Variants in PRDM16 observed in about 807,000 individuals in gnomAD.
PRDM16 encodes the protein PR/SET domain 16, also known as histone-lysine N-methyltransferase PRDM16.
A neutral mutation model predicts 110.6 loss-of-function variants in PRDM16; 23 were observed. The ratio of observed to expected loss-of-function variants is 0.21; its 90% CI spans 0.15 to 0.29. PRDM16 has a LOEUF of 0.29. Among genes scored for constraint, PRDM16 ranks in the 10% least tolerant of loss-of-function variants. The pLI, the probability that PRDM16 is intolerant of heterozygous loss-of-function variation, is 1.00. For synonymous variants in PRDM16, 799 were observed against 781.8 expected, an observed-to-expected ratio of 1.02 and a Z score of -0.37; for missense variants, 1,615 against 1,794.3, an observed-to-expected ratio of 0.90 and a Z score of 1.81.
intron 1 of PRDM16, among the ~76,000 whole-genome samples, chr1:3,152,765 G>A (rs981691439): frequency 2.0e-5 from 3 of 152,210 alleles, no homozygotes; most frequent in South Asian, 2.1e-4. Flanking sequence ...CAGCCATAGC[G>A]TGGGTCCTTG....
chr1:3,408,656 ATG>A (rs1236326179), intron 8 of PRDM16, among the ~76,000 whole-genome samples: 2 of 123,142 alleles, frequency 1.6e-5, no homozygotes, highest in African/African-American at 6.6e-5. Flanking sequence ...CTGTGTTGGC[ATG>A]TGTGAGAGTG....
chr1:3,322,179 CTG>C (rs954250962), intron 3 of PRDM16, among the ~76,000 whole-genome samples: 5 of 148,396 alleles, frequency 3.4e-5, no homozygotes, highest in Middle Eastern at 3.5e-3. Context: ...GCTGTGCACA[CTG>C]TGTGTGTGAG....
intron 1 of PRDM16, among the ~76,000 whole-genome samples, chr1:3,077,294 T>C (rs1641921773): frequency 1.3e-5 from 2 of 152,296 alleles, no homozygotes; most frequent in South Asian, 4.1e-4. Context: ...CCAGGCTCTG[T>C]TCACCCCAAC....
At position 3,434,046 on chromosome 1, in the gene PRDM16, G is replaced by A. The variant is rs566728861; in HGVS notation, c.*235G>A. On this transcript the variant is annotated 3_prime_UTR_variant, in exon 17 of 17. Coordinates refer to ENST00000270722, the MANE Select transcript of PRDM16 (RefSeq NM_022114.4). Reference sequence around the variant, plus strand: ...GGTCTTGAGAACACTGTTCAGTGACGGCCATGCAGGTGGCCGTCCAAAGAC... The same window carrying A: ...GGTCTTGAGAACACTGTTCAGTGACAGCCATGCAGGTGGCCGTCCAAAGAC... 1.0e-5 allele frequency: 5 copies of A among 485,354 alleles called. No homozygotes were observed. Among genetic ancestry groups the A allele is most frequent in the East Asian group, 7.0e-5 (2 of 28,662 alleles). 30.1% of individuals were successfully genotyped at this position (485,354 alleles called of 1,614,324 possible). A position where few individuals can be genotyped will look rare whatever the true frequency, so the allele number is the denominator to read the frequency against.
At position 3,412,062 on chromosome 1, in the gene PRDM16, G is replaced by A. The variant is rs1314142023; in HGVS notation, c.1865G>A (p.Gly622Asp). 2 of 1,608,090 alleles carry A rather than the reference G, an allele frequency of 1.2e-6. No homozygotes were observed. The highest frequency in any genetic ancestry group is 2.7e-5 in the African/African-American group (2 of 74,824). ...GTDLDTTTGT[G>D]SDLDSDVDSD... Reference sequence around the variant, plus strand: ...GACCTGGACACGACCACGGGGACGGGCTCGGACCTGGACAGCGACGTGGAC... The same window carrying A: ...GACCTGGACACGACCACGGGGACGGACTCGGACCTGGACAGCGACGTGGAC... Residue 622 changes from glycine to aspartate, a missense_variant, in exon 9 of 17, where the codon GGC (glycine) becomes GAC (aspartate). Coordinates refer to ENST00000270722, the MANE Select transcript of PRDM16 (RefSeq NM_022114.4).
At chr1:3,380,350 T>G (rs1366450858) in intron 3 of PRDM16, among the ~76,000 whole-genome samples, 2 of 151,890 alleles carry the variant, frequency 1.3e-5, no homozygotes, top group Non-Finnish European at 2.9e-5. Flanking sequence ...CTCCTCCCTT[T>G]AGGGGCCACC....
intron 3 of PRDM16, among the ~76,000 whole-genome samples, chr1:3,343,638 G>A (rs1445543070): frequency 6.6e-6 from 1 of 151,390 alleles, no homozygotes; most frequent in East Asian, 1.9e-4. Flanking sequence ...TTTTTGTTTT[G>A]TTTTGTTTTT....
At chr1:3,398,135 C>T (rs577704673) in intron 5 of PRDM16, among the ~76,000 whole-genome samples, 8 of 152,244 alleles carry the variant, frequency 5.3e-5, no homozygotes, top group South Asian at 4.1e-4. Flanking sequence ...CGCACAAGAA[C>T]GCCAAGAGAC....
chr1:3,199,477 C>T (rs1248090771), intron 2 of PRDM16, among the ~76,000 whole-genome samples: 2 of 152,168 alleles, frequency 1.3e-5, no homozygotes, highest in Non-Finnish European at 2.9e-5. Context: ...CTCAGTCCTC[C>T]CCTTCCTGCC....
At chr1:3,281,830 A>G (rs79942329) in intron 3 of PRDM16, among the ~76,000 whole-genome samples, 2,736 of 152,336 alleles carry the variant, frequency 0.018, 86 homozygotes, top group African/African-American at 0.062. Context: ...CTTTCAGGAA[A>G]CCAGGGATAA....
At chr1:3,079,707 T>C (rs1312447109) in intron 1 of PRDM16, among the ~76,000 whole-genome samples, 1 of 152,156 alleles carries the variant, frequency 6.6e-6, no homozygotes, top group African/African-American at 2.4e-5. Context: ...CAGGGAGAAG[T>C]GGCCCCTCAC....
At chr1:3,429,117 G>A (rs1043464007) in intron 14 of PRDM16, among the ~76,000 whole-genome samples, 1 of 148,042 alleles carries the variant, frequency 6.8e-6, no homozygotes, top group African/African-American at 2.4e-5. Flanking sequence ...AGAGAGACCA[G>A]GGACAGATTC....
chr1:3,211,622 G>A (rs146876100), intron 2 of PRDM16, among the ~76,000 whole-genome samples: 7 of 152,330 alleles, frequency 4.6e-5, no homozygotes, highest in East Asian at 1.9e-4. Flanking sequence ...GTCCTTGGTC[G>A]TCCAGCCCAC....
intron 3 of PRDM16, among the ~76,000 whole-genome samples, chr1:3,297,537 G>C (rs1481114380): frequency 2.6e-5 from 4 of 152,082 alleles, no homozygotes; most frequent in African/African-American, 7.2e-5. Flanking sequence ...ACCCACCTCA[G>C]TCTCCAAAAA....
chr1:3,412,109 G>A lies in PRDM16; in HGVS notation c.1912G>A (p.Gly638Ser). 1 of 1,577,168 alleles carries A rather than the reference G, an allele frequency of 6.3e-7. No individual in the cohort carries two copies. The highest frequency in any genetic ancestry group is 1.2e-5 in the South Asian group (1 of 85,418). The change falls in exon 9 of 17, where the codon GGC becomes AGC. Residue 638 changes from glycine (G) to serine (S), a missense_variant. Coordinates refer to ENST00000270722, the MANE Select transcript of PRDM16 (RefSeq NM_022114.4). ...DVDSDPDKDK[G>S]KGKSAEGQPK... ...GGACAGCGACCCTGACAAGGACAAGGGCAAGGGCAAGTCCGCCGAGGGCCA... is the reference window on the plus strand; with the variant it reads ...GGACAGCGACCCTGACAAGGACAAGAGCAAGGGCAAGTCCGCCGAGGGCCA...
chr1:3,147,412 G>T (rs1329156603), intron 1 of PRDM16, among the ~76,000 whole-genome samples: 2 of 152,116 alleles, frequency 1.3e-5, no homozygotes, highest in African/African-American at 4.8e-5. Context: ...CATCCACAGG[G>T]AGACTGGGGC....
At chr1:3,337,048 C>T (rs1243958575) in intron 3 of PRDM16, among the ~76,000 whole-genome samples, 1 of 149,528 alleles carries the variant, frequency 6.7e-6, no homozygotes, top group South Asian at 2.1e-4. Flanking sequence ...CACATTCATG[C>T]ACATCTGTTG....
In PRDM16 at chr1:3,186,214, A is replaced by C; in HGVS notation, c.127A>C (p.Met43Leu). The C allele has an allele frequency of 6.2e-7, 1 of 1,612,786 alleles. No individual in the cohort carries two copies. Among genetic ancestry groups the C allele is most frequent in the Non-Finnish European group, 8.5e-7 (1 of 1,179,968 alleles). ...SAEDEAEDSA[M>L]SPIPVGPPSP... Reference sequence around the variant, plus strand: ...GGAGGACGAGGCCGAGGACAGTGCCATGTCGCCCATCCCCGTGGGGCCACC... The same window carrying C: ...GGAGGACGAGGCCGAGGACAGTGCCCTGTCGCCCATCCCCGTGGGGCCACC... The change falls in exon 2 of 17, where the codon ATG (methionine) becomes CTG (leucine). Residue 43 changes from methionine to leucine, a missense_variant. By Grantham distance (15) the Met-to-Leu change is conservative. This residue lies in a region of PRDM16 where 416 missense variants were observed against 467.1 expected (regional missense o/e 0.89). Coordinates refer to ENST00000270722, the MANE Select transcript of PRDM16 (RefSeq NM_022114.4).
chr1:3,415,700 C>CG (rs36077799), intron 10 of PRDM16, among the ~76,000 whole-genome samples: 9 of 152,328 alleles, frequency 5.9e-5, no homozygotes, highest in East Asian at 5.8e-4. Context: ...GGGAGCCCAG[C>CG]GGGGGGCAGT....
Sources: gnomAD v4.1 joint callset for allele counts (sites outside exome capture counted in the v4.1 genomes callset) on GRCh38, gnomAD v4.1.1 for gene constraint, gnomAD v4.1.1 regional missense constraint, MANE v1.5 for transcripts, NCBI Gene and HGNC (gene_info 2026-07-23, HGNC 2026-07-21) for gene names.